Variants in SLC9D1 observed in about 807,000 individuals in gnomAD.
The protein encoded by SLC9D1 is solute carrier family 9 member D1, also known as putative LAG1-interacting protein.
At chr13:113,503,345 T>TTGTG in the SLC9D1 span, 8,389 of 475,412 alleles carry the variant, frequency 0.018, 44 homozygotes, top group African/African-American at 0.024. Context: ...CACTGTGTGA[T>TTGTG]TGTGTGTGTG....
At chr13:113,520,143 T>G in the SLC9D1 span, among the ~76,000 whole-genome samples, 1 of 152,216 alleles carries the variant, frequency 6.6e-6, no homozygotes, top group African/African-American at 2.4e-5. Flanking sequence ...ATTTTTAATC[T>G]TAAAATGCTT....
At chr13:113,521,746 G>A in the SLC9D1 span, among the ~76,000 whole-genome samples, 2 of 152,148 alleles carry the variant, frequency 1.3e-5, no homozygotes, top group African/African-American at 4.8e-5. Flanking sequence ...AGGTTGTGCC[G>A]CATATACAAA....
the SLC9D1 span, among the ~76,000 whole-genome samples, chr13:113,535,547 C>T: frequency 6.6e-6 from 1 of 152,130 alleles, no homozygotes; most frequent in Non-Finnish European, 1.5e-5. The surrounding 1 kb of genome is among the most constrained non-coding windows in gnomAD (Gnocchi z 4.1). Context: ...ATAAACAGTC[C>T]AAAGGTACTT....
chr13:113,526,162 T>C, the SLC9D1 span, among the ~76,000 whole-genome samples: 9 of 152,252 alleles, frequency 5.9e-5, no homozygotes, highest in African/African-American at 2.2e-4. Context: ...CTGATGGTCC[T>C]GACCCTGTGC....
chr13:113,510,379 C>G, the SLC9D1 span: 176 of 1,613,826 alleles, frequency 1.1e-4, 1 homozygote, highest in South Asian at 1.8e-3. Flanking sequence ...AAGCACACCC[C>G]TCGTGTCCAG....
At chr13:113,496,045 A>G in the SLC9D1 span, 6 of 1,486,236 alleles carry the variant, frequency 4.0e-6, no homozygotes, top group South Asian at 2.4e-5. Context: ...AGAGAGGGAG[A>G]GAGAGAGAGA....
At chr13:113,517,907 G>T in the SLC9D1 span, among the ~76,000 whole-genome samples, 1 of 152,148 alleles carries the variant, frequency 6.6e-6, no homozygotes, top group Non-Finnish European at 1.5e-5. Flanking sequence ...GGGGTTTACA[G>T]AGCTCCTTGG....
chr13:113,515,892 A>C, the SLC9D1 span, among the ~76,000 whole-genome samples: 2 of 68,292 alleles, frequency 2.9e-5, no homozygotes, highest in African/African-American at 1.1e-4. Context: ...CTCCGTCCCA[A>C]AAAAAAAAAA....
the SLC9D1 span, among the ~76,000 whole-genome samples, chr13:113,535,662 G>A: frequency 3.3e-5 from 5 of 152,156 alleles, 1 homozygote; most frequent in South Asian, 8.3e-4. The surrounding 1 kb of genome is among the most constrained non-coding windows in gnomAD (Gnocchi z 4.1). Context: ...CGCAGAGTGG[G>A]CAGGCAGCCC....
chr13:113,522,847 G>T, the SLC9D1 span, among the ~76,000 whole-genome samples: 1 of 151,784 alleles, frequency 6.6e-6, no homozygotes, highest in African/African-American at 2.4e-5. Context: ...GGCCAGGCTG[G>T]TCTTGAACTC....
the SLC9D1 span, chr13:113,511,721 T>G: frequency 6.6e-6 from 1 of 152,130 alleles, no homozygotes; most frequent in Admixed American, 6.6e-5. Flanking sequence ...AAAGACCAAG[T>G]GGGGACCAGG....
At chr13:113,502,345 C>G in the SLC9D1 span, among the ~76,000 whole-genome samples, 10 of 152,210 alleles carry the variant, frequency 6.6e-5, no homozygotes, top group African/African-American at 2.4e-4. Flanking sequence ...TCTTGAGTAG[C>G]TGGGATTACA....
chr13:113,529,453 A>G, the SLC9D1 span: 1 of 152,220 alleles, frequency 6.6e-6, no homozygotes, highest in South Asian at 2.1e-4. Flanking sequence ...GATCGAGACC[A>G]TCCTGGCTAA....
At chr13:113,521,021 T>A in the SLC9D1 span, among the ~76,000 whole-genome samples, 2 of 151,982 alleles carry the variant, frequency 1.3e-5, no homozygotes, top group South Asian at 4.1e-4. Context: ...TGAGTTCCGA[T>A]AGAAACATGC....
the SLC9D1 span, among the ~76,000 whole-genome samples, chr13:113,497,202 C>G: frequency 6.6e-6 from 1 of 151,608 alleles, no homozygotes; most frequent in Non-Finnish European, 1.5e-5. Flanking sequence ...ACACCTGTAG[C>G]TGTGTGTCAG....
chr13:113,549,639 A>G, the SLC9D1 span: 1 of 1,369,396 alleles, frequency 7.3e-7, no homozygotes. Flanking sequence ...CCTTGGCAAC[A>G]GAACAGCCCT....
chr13:113,533,247 TC>T, the SLC9D1 span, among the ~76,000 whole-genome samples: 1 of 62,524 alleles, frequency 1.6e-5, no homozygotes, highest in African/African-American at 1.3e-4. Context: ...GTTGATCCCT[TC>T]ATTCCATCCC....
the SLC9D1 span, chr13:113,536,703 AT>A: frequency 4.1e-6 from 1 of 243,178 alleles, no homozygotes; most frequent in Non-Finnish European, 6.6e-6. Context: ...CCTTCTGCAC[AT>A]CTGCACCCGA....
At chr13:113,547,557 C>T in the SLC9D1 span, among the ~76,000 whole-genome samples, 1 of 152,162 alleles carries the variant, frequency 6.6e-6, no homozygotes, top group East Asian at 1.9e-4. Context: ...CGAGGCTGGG[C>T]GGTCTGGGTT....
Sources: gnomAD v4.1 joint callset for allele counts (sites outside exome capture counted in the v4.1 genomes callset) on GRCh38, gnomAD v4.1.1 for gene constraint, Gnocchi (gnomAD v3.1) non-coding constraint, MANE v1.5 for transcripts, NCBI Gene and HGNC (gene_info 2026-07-23, HGNC 2026-07-21) for gene names.